The following PLXND1 variants were observed in gnomAD, a reference collection of about 807,000 sequenced individuals.
PLXND1 encodes plexin D1.
Under a neutral mutation model 197.7 loss-of-function variants are expected in PLXND1, and 54 were observed. The observed-to-expected ratio is 0.27, with a 90% CI of 0.22 to 0.34. PLXND1 has a LOEUF of 0.34. PLXND1 is among the 10% of genes least tolerant of loss of function. The probability of loss-of-function intolerance (pLI) is 1.00; values close to 1 mark genes in which losing one functional copy is unlikely to be tolerated. For missense variants in PLXND1, 2,127 were observed against 2,699.2 expected (o/e 0.79, Z 4.70); for synonymous variants, 1,180 against 1,161.2 (o/e 1.02, Z -0.33).
rs916795998 is a variant in PLXND1 at position 129,605,655 on chromosome 3, C to G, written c.985G>C (p.Gly329Arg). The change falls in exon 1 of 36, where the codon GGC (glycine) becomes CGC (arginine). Residue 329 changes from glycine to arginine, a missense_variant. Physicochemically the swap from Gly to Arg is moderately radical, Grantham distance 125 (BLOSUM62 -2). Around this residue, in one of 6 missense-constraint regions of PLXND1, gnomAD observed 1,095 missense variants for 1,259.8 expected, o/e 0.87. Transcript: ENST00000324093. Reference sequence around the variant, plus strand: ...GACTCGGTGAGCTTCTTGGCGTCGCCGCCGGCGCCGTGGGGCAGGCAGATG... The same window carrying G: ...GACTCGGTGAGCTTCTTGGCGTCGCGGCCGGCGCCGTGGGGCAGGCAGATG... ...ARICLPHGAGGDAKKLTESYI... is the reference protein window; with the variant it reads ...ARICLPHGAGRDAKKLTESYI... 2 of 1,536,572 alleles carry G rather than the reference C, an allele frequency of 1.3e-6. No individual in the cohort carries two copies. Among genetic ancestry groups the G allele is most frequent in the Non-Finnish European group, 1.7e-6 (2 of 1,145,270 alleles).
rs952475676 is a variant in PLXND1 at position 129,584,059 on chromosome 3, A to G, written c.2138+66T>C. The G allele has an allele frequency of 5.8e-5, 62 of 1,072,406 alleles. No homozygotes were observed. In the Admixed American group the frequency reaches 1.2e-3, roughly 21 times the overall value. The allele number at this position is 1,072,406 out of a possible 1,614,324, so 66.4% of individuals were successfully genotyped here. On this transcript the variant is annotated intron_variant, in intron 7 of 35. Coordinates refer to ENST00000324093, the MANE Select transcript of PLXND1 (RefSeq NM_015103.3). ...TTTCTTCTCAGGGCCCCCTGAAAGC[A>G]AAGACCCTTCCCGGGGATGCGTTCC...
At chr3:129,583,423 C>A (rs189011762) in intron 8 of PLXND1, 144 bp downstream of exon 8, 3 of 605,374 alleles carry the variant, frequency 5.0e-6, no homozygotes, top group South Asian at 2.2e-5. Flanking sequence ...TTAAACGCAC[C>A]GTGGTATGTG....
intron 24 of PLXND1, 63 bp downstream of exon 24, chr3:129,565,824 G>C: frequency 6.4e-7 from 1 of 1,565,466 alleles, no homozygotes; most frequent in South Asian, 1.1e-5. Flanking sequence ...CCCAGGACCT[G>C]ATGCTGTGTG....
chr3:129,588,778 C>T (rs757452594), intron 2 of PLXND1, among the ~76,000 whole-genome samples: 1 of 152,236 alleles, frequency 6.6e-6, no homozygotes, highest in Admixed American at 6.5e-5. Flanking sequence ...TCTGTCCTGC[C>T]CCAGAGCAGG....
rs771848852 is a variant in PLXND1, at chr3:129,605,969, T to C, written c.671A>G (p.Asn224Ser). The change falls in exon 1 of 36, where the codon AAC (asparagine) becomes AGC (serine). Residue 224 changes from asparagine (N) to serine (S), a missense_variant. Coordinates refer to ENST00000324093, the MANE Select transcript of PLXND1 (RefSeq NM_015103.3). Reference protein sequence around the residue: ...TGYGSSFFPRNRSLEDHRFEN... With the variant: ...TGYGSSFFPRSRSLEDHRFEN... ...GAAGCGGTGGTCCTCCAGGCTGCGGTTGCGCGGGAAGAAGGAGCTGCCGTA... is the reference window on the plus strand; with the variant it reads ...GAAGCGGTGGTCCTCCAGGCTGCGGCTGCGCGGGAAGAAGGAGCTGCCGTA... 1 of 1,611,674 alleles carries C rather than the reference T, an allele frequency of 6.2e-7. No individual in the cohort carries two copies. Among genetic ancestry groups the C allele is most frequent in the Non-Finnish European group, 8.5e-7 (1 of 1,179,718 alleles).
At chr3:129,575,419 C>A (rs376898427) in intron 11 of PLXND1, 50 bp downstream of exon 11, 1 of 1,132,620 alleles carries the variant, frequency 8.8e-7, no homozygotes, top group African/African-American at 1.5e-5. Flanking sequence ...CTGAGCCCCA[C>A]CCACTGCACT....
In PLXND1 at chr3:129,584,413, G is replaced by T; in HGVS notation, c.2001C>A (p.Asp667Glu). ...GGTTGGGGGGGAAGGGCGGAAACTG[G>T]TCCCTCGGCAGGAGGTTGCAGTAGG... Reference protein sequence around the residue: ...QIAYCNLLPRDQFPPFPPNQD... With the variant: ...QIAYCNLLPREQFPPFPPNQD... The change falls in exon 6 of 36, where the codon GAC becomes GAA. Residue 667 changes from aspartate to glutamate, a missense_variant. Physicochemically the swap from Asp to Glu is conservative, Grantham distance 45. Around this residue, in one of 6 missense-constraint regions of PLXND1, gnomAD observed 1,095 missense variants for 1,259.8 expected, o/e 0.87. Transcript: ENST00000324093. 1 of 1,613,360 alleles carries T rather than the reference G, an allele frequency of 6.2e-7. No homozygotes were observed.
At chr3:129,562,750 C>G (rs759001590) in intron 27 of PLXND1, 37 bp downstream of exon 27, 24 of 1,565,586 alleles carry the variant, frequency 1.5e-5, no homozygotes, top group Non-Finnish European at 2.1e-5. Flanking sequence ...CCGGCTGAAG[C>G]GCCTGACACG....
rs192464570 is a variant in PLXND1, at chr3:129,557,426, G to C, written c.5446-203C>G. ...CTCCTCACTGTGCTCTGTCTGCCCC[G>C]CCTACTTTCCCCAGGACTGTTAGGA... On this transcript the variant is annotated intron_variant, in intron 33 of 35. Transcript: ENST00000324093. The surrounding 1 kb of genome is among the most constrained non-coding windows in gnomAD (Gnocchi z 4.8). Among the ~76,000 whole-genome samples the C allele has an allele frequency of 6.6e-6, 1 of 152,130 alleles. No homozygotes were observed. The highest frequency in any genetic ancestry group is 1.5e-5 in the Non-Finnish European group (1 of 68,024).
At chr3:129,602,054 C>T (rs775798639) in intron 1 of PLXND1, among the ~76,000 whole-genome samples, 2 of 152,192 alleles carry the variant, frequency 1.3e-5, no homozygotes, top group Non-Finnish European at 2.9e-5. Flanking sequence ...TAGGGGCTTT[C>T]TAAAATAATA....
In PLXND1 at chr3:129,570,707, C is replaced by A. The variant is rs2085210667; in HGVS notation, c.3750+79G>T. The A allele has an allele frequency of 2.1e-6, 3 of 1,401,728 alleles. No homozygotes were observed. The East Asian group carries it at 6.9e-5, about 32-fold the overall frequency. The allele number at this position is 1,401,728 out of a possible 1,614,324, so 86.8% of individuals were successfully genotyped here. On this transcript the variant is annotated intron_variant, in intron 19 of 35. Coordinates refer to ENST00000324093, the MANE Select transcript of PLXND1 (RefSeq NM_015103.3). ...TGAAAACGCTCAGTGAATTCAGGTG[C>A]TGGGTGAGGGGCAGATGCTTGGCAG...
intron 1 of PLXND1, among the ~76,000 whole-genome samples, chr3:129,596,178 T>C (rs1335675642): frequency 6.6e-6 from 1 of 151,986 alleles, no homozygotes; most frequent in East Asian, 1.9e-4. Context: ...CAATTAGCTA[T>C]GCAGACCACG....
intron 10 of PLXND1, 78 bp downstream of exon 10, chr3:129,575,688 G>A (rs2085303204): frequency 8.1e-7 from 1 of 1,237,560 alleles, no homozygotes; most frequent in Non-Finnish European, 1.2e-6. Context: ...GTAGAGAGAG[G>A]CAGGGTGGGG....
chr3:129,563,061 A>G (rs1038540149), intron 26 of PLXND1, 33 bp downstream of exon 26: 2 of 1,612,420 alleles, frequency 1.2e-6, no homozygotes, highest in Non-Finnish European at 1.7e-6. Flanking sequence ...GCGACACAGC[A>G]GCCCTGGGAC....
intron 23 of PLXND1, 28 bp from the exon 24 acceptor site, chr3:129,566,045 C>T (rs1237339855): frequency 6.2e-7 from 1 of 1,612,592 alleles, no homozygotes; most frequent in Non-Finnish European, 8.5e-7. Flanking sequence ...GATGGGGTGT[C>T]CAGAGGGGCC....
chr3:129,606,276 C>T lies in PLXND1; in HGVS notation c.364G>A (p.Asp122Asn). 1 of 1,537,106 alleles carries T rather than the reference C, an allele frequency of 6.5e-7. No homozygotes were observed. Among genetic ancestry groups the T allele is most frequent in the South Asian group, 1.2e-5 (1 of 81,310 alleles). Residue 122 changes from aspartate (D) to asparagine (N), a missense_variant, in exon 1 of 36, where the codon GAC becomes AAC. Physicochemically the swap from Asp to Asn is conservative, Grantham distance 23. Coordinates refer to ENST00000324093, the MANE Select transcript of PLXND1 (RefSeq NM_015103.3). ...AGCTGCAGGATCTTGTTGTAGTTGT[C>T]CGTGAGGCGCCGCGGGTGCTCGCAC... ...ASCEHPRRLT[D>N]NYNKILQLDP...
intron 1 of PLXND1, among the ~76,000 whole-genome samples, chr3:129,595,005 T>A (rs1388923542): frequency 6.6e-6 from 1 of 152,114 alleles, no homozygotes; most frequent in East Asian, 1.9e-4. Flanking sequence ...GGCCCTGACC[T>A]CTGTGGCCTC....
intron 1 of PLXND1, among the ~76,000 whole-genome samples, chr3:129,605,099 G>C (rs961739080): frequency 1.3e-5 from 2 of 152,160 alleles, no homozygotes; most frequent in African/African-American, 4.8e-5. Flanking sequence ...CCCATGAGCC[G>C]GCACTCACTT....
intron 1 of PLXND1, among the ~76,000 whole-genome samples, chr3:129,603,758 T>C (rs1040154903): frequency 1.3e-5 from 2 of 152,098 alleles, no homozygotes; most frequent in African/African-American, 2.4e-5. Context: ...CACAGAGGAA[T>C]GGTTAATCTC....
Sources: allele counts gnomAD v4.1 joint callset (sites outside exome capture counted in the v4.1 genomes callset), GRCh38; gene constraint gnomAD v4.1.1; regional missense constraint gnomAD v4.1.1; non-coding constraint Gnocchi (gnomAD v3.1); transcripts MANE v1.5; gene names NCBI Gene and HGNC (gene_info 2026-07-23, HGNC 2026-07-21).